Variants in ZNF804B observed in about 807,000 individuals in gnomAD.
ZNF804B encodes the protein zinc finger protein 804B, also known as zinc finger 804B.
ZNF804B carries 80 observed loss-of-function variants against 101.4 expected under a neutral mutation model. The observed-to-expected ratio is 0.79, with a 90% CI of 0.66 to 0.95. ZNF804B has a LOEUF of 0.95. Among genes scored for constraint, ZNF804B ranks in the 40% least tolerant of loss-of-function variants. The probability of loss-of-function intolerance (pLI) is 0.00; values close to 1 mark genes in which losing one functional copy is unlikely to be tolerated. For missense variants in ZNF804B, 1,673 were observed against 1,561.9 expected (o/e 1.07, Z -1.20); for synonymous variants, 622 against 558.8 (o/e 1.11, Z -1.59).
At chr7:88,810,436 T>A (rs1020337207) in intron 1 of ZNF804B, among the ~76,000 whole-genome samples, 2 of 151,730 alleles carry the variant, frequency 1.3e-5, no homozygotes, top group Admixed American at 1.3e-4. Context: ...GTGGATTGCC[T>A]GAGCCCAGGA....
At chr7:89,154,703 C>A (rs148611412) in intron 1 of ZNF804B, among the ~76,000 whole-genome samples, 1 of 151,884 alleles carries the variant, frequency 6.6e-6, no homozygotes, top group Admixed American at 6.6e-5. Context: ...AGGATGGTTA[C>A]CAGAGGCTAG....
chr7:89,218,147 T>C lies in ZNF804B; in HGVS notation c.109-8T>C, dbSNP rs763114208. 6.8e-6 allele frequency: 11 copies of C among 1,609,458 alleles called. No individual in the cohort carries two copies. Among genetic ancestry groups the C allele is most frequent in the Non-Finnish European group, 9.3e-6 (11 of 1,178,608 alleles). ...GTCTAACCAACATTTATGTATTTTT[T>C]CTTAAAGGATTTTGCAGAAAAGAAG... On this transcript the variant is annotated splice_region_variant and splice_polypyrimidine_tract_variant and intron_variant, in intron 1 of 3. Transcript: ENST00000333190.
At chr7:89,006,776 C>T (rs554802979) in intron 1 of ZNF804B, among the ~76,000 whole-genome samples, 1 of 152,264 alleles carries the variant, frequency 6.6e-6, no homozygotes, top group Non-Finnish European at 1.5e-5. Context: ...CTTCTCCAGA[C>T]TATTCAACTC....
chr7:89,005,749 A>G (rs979749219), intron 1 of ZNF804B, among the ~76,000 whole-genome samples: 4 of 152,110 alleles, frequency 2.6e-5, no homozygotes, highest in Non-Finnish European at 5.9e-5. Flanking sequence ...GTTTCCAAAC[A>G]CAACACTAAT....
chr7:88,920,561 G>A (rs950289521), intron 1 of ZNF804B, among the ~76,000 whole-genome samples: 3 of 151,714 alleles, frequency 2.0e-5, no homozygotes, highest in African/African-American at 7.3e-5. Context: ...TCATTATCCC[G>A]TATTATATTA....
chr7:89,228,459 A>G (rs1419756529), intron 2 of ZNF804B, among the ~76,000 whole-genome samples: 1 of 151,656 alleles, frequency 6.6e-6, no homozygotes, highest in Non-Finnish European at 1.5e-5. Context: ...TAGGTTCTCC[A>G]CCTCCCCACC....
intron 1 of ZNF804B, among the ~76,000 whole-genome samples, chr7:89,162,776 G>A (rs536204353): frequency 0.012 from 1,738 of 148,836 alleles, 40 homozygotes; most frequent in African/African-American, 0.041. Flanking sequence ...CTAGCATTAG[G>A]TATATCTCCC....
chr7:89,123,347 AC>A (rs1397094293), intron 1 of ZNF804B, among the ~76,000 whole-genome samples: 3 of 152,184 alleles, frequency 2.0e-5, no homozygotes, highest in Non-Finnish European at 4.4e-5. Flanking sequence ...AAGATGATAT[AC>A]TATGATGGCA....
rs150518993 is a variant in ZNF804B at position 89,284,501 on chromosome 7, A to T, written c.250-42843A>T. ...CTGCAGCGTGGTTGCCCACTATTTG[A>T]TGATAAATGAACACAGCATAAGGAC... On this transcript the variant is annotated intron_variant, in intron 2 of 3. Coordinates refer to ENST00000333190, the MANE Select transcript of ZNF804B (RefSeq NM_181646.5). Among the ~76,000 whole-genome samples the T allele has an allele frequency of 4.1e-3, 632 of 152,336 alleles. 5 individuals are homozygous for T. Among genetic ancestry groups the T allele is most frequent in the African/African-American group, 0.015 (605 of 41,582 alleles).
intron 1 of ZNF804B, among the ~76,000 whole-genome samples, chr7:89,204,682 A>G (rs1325100265): frequency 6.6e-6 from 1 of 152,178 alleles, no homozygotes; most frequent in Non-Finnish European, 1.5e-5. Context: ...AGCTGTAGTC[A>G]TCATGTGGCA....
intron 1 of ZNF804B, among the ~76,000 whole-genome samples, chr7:88,841,623 C>T (rs1321500682): frequency 2.0e-5 from 3 of 152,084 alleles, no homozygotes; most frequent in African/African-American, 4.8e-5. Flanking sequence ...ACCATAAGTA[C>T]AAAAGCTTTC....
chr7:88,877,023 TA>T (rs1562820392), intron 1 of ZNF804B, among the ~76,000 whole-genome samples: 19 of 72,828 alleles, frequency 2.6e-4, no homozygotes, highest in Non-Finnish European at 3.5e-4. Context: ...TATATATATA[TA>T]TAATATATAT....
chr7:88,828,145 A>C (rs141724842), intron 1 of ZNF804B, among the ~76,000 whole-genome samples: 1 of 152,204 alleles, frequency 6.6e-6, no homozygotes, highest in Non-Finnish European at 1.5e-5. Context: ...TTGCACTCTA[A>C]TGCTTTCTGA....
At chr7:88,962,087 C>T (rs1401653683) in intron 1 of ZNF804B, among the ~76,000 whole-genome samples, 4 of 151,144 alleles carry the variant, frequency 2.6e-5, no homozygotes, top group East Asian at 3.9e-4. Flanking sequence ...AAATGGTATT[C>T]GACTGCAATA....
At chr7:88,800,056 C>T (rs1790554593) in intron 1 of ZNF804B, among the ~76,000 whole-genome samples, 1 of 152,196 alleles carries the variant, frequency 6.6e-6, no homozygotes, top group Middle Eastern at 3.4e-3. Flanking sequence ...ACAAAACACT[C>T]TAAATCATTT....
intron 1 of ZNF804B, among the ~76,000 whole-genome samples, chr7:88,845,301 G>GCGCACGCGCGCACACACACACACACACA (rs1554339289): frequency 6.7e-6 from 1 of 149,920 alleles, no homozygotes; most frequent in African/African-American, 2.4e-5. Flanking sequence ...GCACGCGCGC[G>GCGCACGCGCGCACACACACACACACACA]CACACACACA....
chr7:88,986,785 A>G (rs553465294), intron 1 of ZNF804B, among the ~76,000 whole-genome samples: 13 of 152,088 alleles, frequency 8.5e-5, no homozygotes, highest in South Asian at 6.2e-4. Flanking sequence ...TCCCAAACCT[A>G]GTCCTGGACC....
At chr7:89,007,750 T>A (rs554563111) in intron 1 of ZNF804B, among the ~76,000 whole-genome samples, 6 of 150,690 alleles carry the variant, frequency 4.0e-5, no homozygotes, top group Middle Eastern at 3.5e-3. Flanking sequence ...CATGAAACTA[T>A]AAGGTGAATA....
intron 1 of ZNF804B, among the ~76,000 whole-genome samples, chr7:88,949,392 C>G (rs531960622): frequency 2.6e-5 from 4 of 151,956 alleles, no homozygotes; most frequent in African/African-American, 4.8e-5. Context: ...CCAAAAATCC[C>G]CTGGGAGACA....
Sources: allele counts gnomAD v4.1 joint callset (sites outside exome capture counted in the v4.1 genomes callset), GRCh38; gene constraint gnomAD v4.1.1; transcripts MANE v1.5; gene names NCBI Gene and HGNC (gene_info 2026-07-23, HGNC 2026-07-21).